Variants in POLN observed in about 807,000 individuals in gnomAD.
POLN encodes the protein DNA polymerase N.
POLN carries 108 observed loss-of-function variants against 113.5 expected under a neutral mutation model. The ratio of observed to expected loss-of-function variants is 0.95; its 90% confidence interval spans 0.81 to 1.12. The LOEUF is 1.12. POLN is among the 50% of genes most tolerant of loss of function. The pLI, the probability that POLN is intolerant of heterozygous loss-of-function variation, is 0.00. For missense variants in POLN, 1,097 were observed against 1,077.1 expected (o/e 1.02, Z -0.26); for synonymous variants, 386 against 391.5 (o/e 0.99, Z 0.17).
At chr4:2,112,543 AAAAC>A (rs1258974265) in intron 19 of POLN, among the ~76,000 whole-genome samples, 1 of 152,230 alleles carries the variant, frequency 6.6e-6, no homozygotes, top group Non-Finnish European at 1.5e-5. Context: ...TTACAAGGAA[AAAAC>A]AAACAACCCC....
chr4:2,230,711 G>C (rs986593497), intron 2 of POLN: 1 of 151,952 alleles, frequency 6.6e-6, no homozygotes, highest in Non-Finnish European at 1.5e-5. Flanking sequence ...GTAGTTTTTA[G>C]ATTGGCATTC....
At chr4:2,078,233 A>C (rs928434019) in intron 23 of POLN, among the ~76,000 whole-genome samples, 1 of 152,230 alleles carries the variant, frequency 6.6e-6, no homozygotes, top group Non-Finnish European at 1.5e-5. Context: ...CCTTTTCATA[A>C]AGGGCCTGCA....
chr4:2,236,452 A>G (rs1409341140), intron 2 of POLN: 1 of 1,598,694 alleles, frequency 6.3e-7, no homozygotes. Context: ...AAAACTTGGT[A>G]AAGCCTGAAA....
chr4:2,160,001 G>A (rs1732539711), intron 13 of POLN, among the ~76,000 whole-genome samples: 1 of 152,194 alleles, frequency 6.6e-6, no homozygotes, highest in Non-Finnish European at 1.5e-5. Flanking sequence ...GAAGAAGGGT[G>A]AAACTGCTGC....
At chr4:2,090,135 A>C (rs145850606) in intron 20 of POLN, 1 of 1,032,234 alleles carries the variant, frequency 9.7e-7, no homozygotes, top group African/African-American at 1.6e-5. Flanking sequence ...GAGGATAAGA[A>C]CTTTGAACAT....
rs757593950 is a variant in POLN at position 2,240,631 on chromosome 4, C to A, written c.-13+889G>T. On this transcript the variant is annotated intron_variant, in intron 2 of 25. Transcript: ENST00000511885. The stretch of plus-strand genomic sequence containing the variant: ...TTCTTTAATTTCAGTAGAGTTTGAA[C>A]CTCATCCTCTAATTTCTCCAGCTCT... 15 of 1,613,506 alleles carry A rather than the reference C, an allele frequency of 9.3e-6. 1 individual carries two copies. In the South Asian group the frequency reaches 1.5e-4, roughly 17 times the overall value.
At chr4:2,167,010 G>A (rs539454951) in intron 13 of POLN, among the ~76,000 whole-genome samples, 4 of 152,206 alleles carry the variant, frequency 2.6e-5, no homozygotes, top group Admixed American at 1.3e-4. Context: ...GTTCCTCGCT[G>A]GAATAGATAT....
At chr4:2,236,567 T>A in intron 2 of POLN, 1 of 737,804 alleles carries the variant, frequency 1.4e-6, no homozygotes, top group East Asian at 2.7e-5. Flanking sequence ...TAACAACTTA[T>A]AAAAATATTG....
chr4:2,198,588 A>G lies in POLN; in HGVS notation c.844T>C (p.Tyr282His), dbSNP rs1225501131. ...EGFVSDDPCI[Y>H]IQIEHSAIWD... ...ATAGCAGAGTGCTCTATTTGAATGTAGATGCATGGATCATCTGACACAAAG... is the reference window on the plus strand; with the variant it reads ...ATAGCAGAGTGCTCTATTTGAATGTGGATGCATGGATCATCTGACACAAAG... Residue 282 changes from tyrosine to histidine, a missense_variant, in exon 6 of 26, where the codon TAC becomes CAC. Coordinates refer to ENST00000511885, the MANE Select transcript of POLN (RefSeq NM_181808.4). 4 of 1,613,770 alleles carry G rather than the reference A, an allele frequency of 2.5e-6. No individual in the cohort carries two copies. The highest frequency in any genetic ancestry group is 3.4e-6 in the Non-Finnish European group (4 of 1,179,964).
intron 5 of POLN, among the ~76,000 whole-genome samples, chr4:2,201,502 A>AAAAAAG (rs1733715084): frequency 6.6e-6 from 1 of 151,884 alleles, no homozygotes; most frequent in East Asian, 1.9e-4. Flanking sequence ...AAAGACAAAG[A>AAAAAAG]AAAAAGAAAA....
intron 3 of POLN, among the ~76,000 whole-genome samples, chr4:2,220,847 A>C (rs1330119587): frequency 6.6e-6 from 1 of 152,200 alleles, no homozygotes; most frequent in African/African-American, 2.4e-5. Flanking sequence ...GCCTGAACAA[A>C]ACATTTATGA....
At chr4:2,159,311 T>C (rs1577730198) in intron 13 of POLN, 100 bp from the exon 14 acceptor site, 2 of 1,000,424 alleles carry the variant, frequency 2.0e-6, no homozygotes, top group East Asian at 2.5e-5. Flanking sequence ...ATGGTCTAAT[T>C]GAGCATATTT....
chr4:2,174,796 T>C (rs2108748824), intron 9 of POLN, 45 bp from the exon 10 acceptor site: 1 of 1,385,422 alleles, frequency 7.2e-7, no homozygotes, highest in Non-Finnish European at 1.0e-6. Flanking sequence ...TTAAATATTA[T>C]TGTATCTGCA....
chr4:2,195,546 C>T (rs576492721), intron 6 of POLN, among the ~76,000 whole-genome samples: 1 of 149,744 alleles, frequency 6.7e-6, no homozygotes, highest in African/African-American at 2.5e-5. Context: ...TGCAGTAGTG[C>T]AATCACAGCT....
chr4:2,184,825 C>CAGTTTG (rs1733230808), intron 7 of POLN, among the ~76,000 whole-genome samples: 1 of 152,182 alleles, frequency 6.6e-6, no homozygotes. Flanking sequence ...CATCAAAGAT[C>CAGTTTG]ATGTGCAATG....
At chr4:2,156,623 G>A (rs894356913) in intron 16 of POLN, 165 bp downstream of exon 16, 14 of 679,520 alleles carry the variant, frequency 2.1e-5, no homozygotes, top group Non-Finnish European at 3.2e-5. Context: ...CATCTGTCTT[G>A]TTCTCCTGCT....
intron 19 of POLN, among the ~76,000 whole-genome samples, chr4:2,099,220 A>G (rs1254111400): frequency 6.6e-6 from 1 of 152,242 alleles, no homozygotes; most frequent in South Asian, 2.1e-4. Flanking sequence ...CCTTAATTAG[A>G]GGCTATGCTT....
At chr4:2,144,265 C>T (rs1364387651) in intron 16 of POLN, among the ~76,000 whole-genome samples, 1 of 151,612 alleles carries the variant, frequency 6.6e-6, no homozygotes, top group African/African-American at 2.4e-5. Context: ...CTGCCTCAGC[C>T]TCCCACGTAG....
At chr4:2,099,253 C>T (rs971971209) in intron 19 of POLN, among the ~76,000 whole-genome samples, 1 of 152,156 alleles carries the variant, frequency 6.6e-6, no homozygotes, top group African/African-American at 2.4e-5. Context: ...TCAAAGGGTA[C>T]CATGTGGAAT....
Sources: allele counts gnomAD v4.1 joint callset (sites outside exome capture counted in the v4.1 genomes callset), GRCh38; gene constraint gnomAD v4.1.1; transcripts MANE v1.5; gene names NCBI Gene and HGNC (gene_info 2026-07-23, HGNC 2026-07-21).